Variants in UBA6 observed in about 807,000 individuals in gnomAD.
UBA6 encodes the protein ubiquitin like modifier activating enzyme 6.
In UBA6, 87 loss-of-function variants were observed where a neutral mutation model predicts 148.3. That is an observed-to-expected ratio of 0.59 (90% confidence interval 0.49 to 0.70). The LOEUF is 0.70. UBA6 is among the 30% of genes least tolerant of loss of function. The pLI is 0.00. For missense variants in UBA6, 1,186 were observed against 1,241.2 expected (o/e 0.96, Z 0.67); for synonymous variants, 376 against 401.0 (o/e 0.94, Z 0.75).
chr4:67,637,880 T>C (rs1729203344), intron 19 of UBA6, among the ~76,000 whole-genome samples: 1 of 151,636 alleles, frequency 6.6e-6, no homozygotes, highest in South Asian at 2.1e-4. Flanking sequence ...CCCTCCACTA[T>C]TGTCCTATGA....
chr4:67,635,595 G>A (rs765626433), intron 19 of UBA6, 37 bp from the exon 20 acceptor site: 1 of 1,317,676 alleles, frequency 7.6e-7, no homozygotes, highest in Non-Finnish European at 1.1e-6. Flanking sequence ...ACAAAAAAGT[G>A]AGCAATAACA....
At position 67,670,590 on chromosome 4, in the gene UBA6, A is replaced by G; in HGVS notation, c.549T>C (p.Phe183=). The G allele has an allele frequency of 2.5e-6, 4 of 1,605,522 alleles. No homozygotes were observed. Among genetic ancestry groups the G allele is most frequent in the Non-Finnish European group, 3.4e-6 (4 of 1,176,472 alleles). Residue 183 remains phenylalanine, a splice_region_variant and synonymous_variant, in exon 8 of 33, where the codon TTT becomes TTC. Coordinates refer to ENST00000322244, the MANE Select transcript of UBA6 (RefSeq NM_018227.6). The part of the protein sequence containing the change: ...FCRSQCPPIK[F]ISADVHGIWS... ...AAATTCCATGTACATCTGCACTGATAAACTGTAAAATGGCAAAAACAAGTT... is the reference window on the plus strand; with the variant it reads ...AAATTCCATGTACATCTGCACTGATGAACTGTAAAATGGCAAAAACAAGTT...
At chr4:67,628,968 G>C in intron 27 of UBA6, 103 bp downstream of exon 27, 1 of 813,234 alleles carries the variant, frequency 1.2e-6, no homozygotes, top group Non-Finnish European at 2.1e-6. Flanking sequence ...ACAAGAGCAA[G>C]AGCAAGAACC....
intron 13 of UBA6, 180 bp downstream of exon 13, chr4:67,662,009 C>T (rs1289428390): frequency 9.3e-6 from 5 of 539,854 alleles, no homozygotes; most frequent in Non-Finnish European, 1.6e-5. Context: ...CACAATAACC[C>T]TATGAAGGTA....
At chr4:67,645,741 A>G (rs1729408357) in intron 16 of UBA6, among the ~76,000 whole-genome samples, 197 bp downstream of exon 16, 1 of 152,212 alleles carries the variant, frequency 6.6e-6, no homozygotes, top group Non-Finnish European at 1.5e-5. Flanking sequence ...TAAAGATATT[A>G]ATTAGACCAG....
At chr4:67,626,856 C>G (rs1237778301) in intron 27 of UBA6, among the ~76,000 whole-genome samples, 1 of 151,916 alleles carries the variant, frequency 6.6e-6, no homozygotes, top group South Asian at 2.1e-4. Flanking sequence ...AAATTCCACA[C>G]TAGAATAAAA....
intron 19 of UBA6, among the ~76,000 whole-genome samples, chr4:67,637,259 T>G (rs1174094402): frequency 7.0e-6 from 1 of 142,352 alleles, no homozygotes; most frequent in Non-Finnish European, 1.5e-5. Flanking sequence ...CGCCCAGCCC[T>G]GGAGGGAGGT....
intron 1 of UBA6, among the ~76,000 whole-genome samples, chr4:67,698,222 A>G (rs1730886182): frequency 6.6e-6 from 1 of 152,250 alleles, no homozygotes. Flanking sequence ...CACCCTATCA[A>G]TAAAATGGCT....
Position 67,635,144 on chromosome 4 carries a change from A to G in UBA6, c.1842+309T>C, listed in dbSNP as rs1400859302. 3.3e-5 allele frequency among the ~76,000 whole-genome samples: 5 copies of G among 152,102 alleles called. No homozygotes were observed. In the East Asian group the frequency reaches 9.6e-4, roughly 29 times the overall value. On this transcript the variant is annotated intron_variant, in intron 20 of 32. Coordinates refer to ENST00000322244, the MANE Select transcript of UBA6 (RefSeq NM_018227.6). ...TGAATAAAATTTTATGTCTTTGTTG[A>G]CAGTTCTAGTCTCAATCTAATAGTT... is the stretch of plus-strand genomic sequence containing the variant.
At chr4:67,663,590 T>G in intron 11 of UBA6, 1 of 406,102 alleles carries the variant, frequency 2.5e-6, no homozygotes, top group East Asian at 4.0e-5. Context: ...AATCTTTTAA[T>G]AAGATCATCT....
In UBA6 at chr4:67,665,752, C is replaced by T. The variant is rs918965716; in HGVS notation, c.794-460G>A. Reference sequence around the variant, plus strand: ...TCAGTAATGAAAAGATAAGATTATTCAATAAATCTTATAGAGAAAAAAGAC... The same window carrying T: ...TCAGTAATGAAAAGATAAGATTATTTAATAAATCTTATAGAGAAAAAAGAC... On this transcript the variant is annotated intron_variant, in intron 9 of 32. Transcript: ENST00000322244. 5.9e-5 allele frequency among the ~76,000 whole-genome samples: 9 copies of T among 151,666 alleles called. No individual in the cohort carries two copies. The East Asian group carries it at 1.7e-3, about 29-fold the overall frequency.
Position 67,623,194 on chromosome 4 carries a change from G to A in UBA6, c.2869C>T (p.Arg957Ter), listed in dbSNP as rs1456324199. 6.2e-7 allele frequency: 1 copy of A among 1,611,858 alleles called. No homozygotes were observed. Among genetic ancestry groups the A allele is most frequent in the African/African-American group, 1.3e-5 (1 of 74,770 alleles). ...TCTTCTTTTCCATGTACGGTCCATC[G>A]ATCCCAAATTGTAAATGATATTCCA... ...RNGISFTIWD[R>*]WTVHGKEDFT... Residue 957 changes from arginine to a stop codon, truncating the protein, a stop_gained, in exon 31 of 33, where the codon CGA (arginine) becomes TGA (stop). Coordinates refer to ENST00000322244, the MANE Select transcript of UBA6 (RefSeq NM_018227.6). LOFTEE classifies it high-confidence loss of function.
intron 13 of UBA6, among the ~76,000 whole-genome samples, chr4:67,655,209 C>T (rs1729656574): frequency 6.6e-6 from 1 of 152,190 alleles, no homozygotes; most frequent in African/African-American, 2.4e-5. Context: ...CATCTACAAA[C>T]TCTCCACCCC....
chr4:67,656,662 T>C (rs13129936), intron 13 of UBA6, among the ~76,000 whole-genome samples: 34,943 of 152,118 alleles, frequency 0.23, 4,179 homozygotes, highest in Middle Eastern at 0.3. Flanking sequence ...TTCAACATAG[T>C]CTTGGAAGTT....
rs761466954 is a variant in UBA6, at chr4:67,696,664, T to G, written c.115A>C (p.Ile39Leu). 6.2e-7 allele frequency: 1 copy of G among 1,608,204 alleles called. No homozygotes were observed. Among genetic ancestry groups the G allele is most frequent in the African/African-American group, 1.3e-5 (1 of 74,688 alleles). Reference protein sequence around the residue: ...LPIMSTASVEIDDALYSRQRY... With the variant: ...LPIMSTASVELDDALYSRQRY... ...TCTTACCTATACAATGCATCATCGA[T>G]TTCCACAGATGCTGTTGACATAATG... is the stretch of plus-strand genomic sequence containing the variant. Residue 39 changes from isoleucine to leucine, a missense_variant, in exon 2 of 33, where the codon ATC becomes CTC. Physicochemically the swap from Ile to Leu is conservative, Grantham distance 5. Coordinates refer to ENST00000322244, the MANE Select transcript of UBA6 (RefSeq NM_018227.6).
rs1407538724 is a variant in UBA6 at position 67,679,029 on chromosome 4, T to C, written c.259-496A>G. 2.0e-5 allele frequency among the ~76,000 whole-genome samples: 3 copies of C among 152,132 alleles called. No homozygotes were observed. The East Asian group carries it at 5.8e-4, about 29-fold the overall frequency. ...ATCAAAATGCCCACCAATGGGGAAC[T>C]GGCTTTAAGATGATACATCCGTACA... On this transcript the variant is annotated intron_variant, in intron 4 of 32. Transcript: ENST00000322244.
At position 67,696,050 on chromosome 4, in the gene UBA6, C is replaced by T. The variant is rs190003997; in HGVS notation, c.134+595G>A. On this transcript the variant is annotated intron_variant, in intron 2 of 32. Coordinates refer to ENST00000322244, the MANE Select transcript of UBA6 (RefSeq NM_018227.6). ...AAAAGCATAGTTTTAAAAGTCCCAT[C>T]AAATTCCATTCAAATTACAACTCTT... is the stretch of plus-strand genomic sequence containing the variant. 5.5e-3 allele frequency among the ~76,000 whole-genome samples: 844 copies of T among 152,260 alleles called. 6 individuals carry two copies. Among genetic ancestry groups the T allele is most frequent in the Non-Finnish European group, 9.8e-3 (666 of 67,982 alleles).
chr4:67,662,811 C>T (rs779863406), intron 12 of UBA6: 2 of 197,166 alleles, frequency 1.0e-5, no homozygotes, highest in Non-Finnish European at 2.1e-5. Flanking sequence ...TCCAACAGTA[C>T]TCTGACTTAA....
chr4:67,638,333 G>C (rs1462956551), intron 19 of UBA6: 4 of 156,910 alleles, frequency 2.5e-5, no homozygotes, highest in African/African-American at 9.6e-5. Context: ...GCAGAAAAGG[G>C]AAAACGAGAA....
Sources: allele counts gnomAD v4.1 joint callset (sites outside exome capture counted in the v4.1 genomes callset), GRCh38; gene constraint gnomAD v4.1.1; transcripts MANE v1.5; gene names NCBI Gene and HGNC (gene_info 2026-07-23, HGNC 2026-07-21).